Variants in ATAD2B observed in about 807,000 individuals in gnomAD.
ATAD2B encodes the protein ATPase family AAA domain-containing protein 2B.
In ATAD2B, 40 loss-of-function variants were observed where a neutral mutation model predicts 167.6. The ratio of observed to expected loss-of-function variants is 0.24; its 90% CI spans 0.19 to 0.31. The LOEUF (loss-of-function observed/expected upper bound fraction) is 0.31, where lower values mean the gene tolerates loss of function less well. ATAD2B is among the 10% of genes least tolerant of loss of function. The pLI is 1.00. For missense variants in ATAD2B, 1,242 were observed against 1,757.2 expected (o/e 0.71, Z 5.24); for synonymous variants, 579 against 596.5 (o/e 0.97, Z 0.43).
At chr2:23,741,898 T>A in the ATAD2B span, among the ~76,000 whole-genome samples, 1 of 152,074 alleles carries the variant, frequency 6.6e-6, no homozygotes, top group Non-Finnish European at 1.5e-5. Flanking sequence ...GCGAAGAACA[T>A]GAACAGACAC....
intron 1 of ATAD2B, among the ~76,000 whole-genome samples, chr2:23,926,105 C>G (rs1455813050): frequency 1.3e-5 from 2 of 152,208 alleles, no homozygotes; most frequent in African/African-American, 4.8e-5. Context: ...GAACCACCCC[C>G]AAACTGAGAG....
chr2:23,855,765 T>C (rs1024946374), intron 13 of ATAD2B, among the ~76,000 whole-genome samples: 1 of 152,240 alleles, frequency 6.6e-6, no homozygotes, highest in Non-Finnish European at 1.5e-5. Flanking sequence ...ACTGCATGCC[T>C]GTAGTTCTAG....
chr2:23,684,432 C>T, the ATAD2B span: 165 of 1,549,248 alleles, frequency 1.1e-4, no homozygotes, highest in Non-Finnish European at 1.4e-4. This position sits in a 1 kb window ranked among gnomAD's most constrained non-coding sequence, Gnocchi z 4.4. Context: ...CAACGCAGAG[C>T]GAAAGCGTTT....
chr2:23,903,420 T>C (rs17045990), intron 1 of ATAD2B, among the ~76,000 whole-genome samples: 9,851 of 152,062 alleles, frequency 0.065, 409 homozygotes, highest in African/African-American at 0.12. Flanking sequence ...AATTAAATAA[T>C]GAAAAGATAT....
chr2:23,914,525 T>A (rs1452491851), intron 1 of ATAD2B, among the ~76,000 whole-genome samples: 3 of 151,968 alleles, frequency 2.0e-5, no homozygotes, highest in Non-Finnish European at 2.9e-5. Context: ...TCATGCCAAA[T>A]ATTGGCAGGG....
At chr2:23,906,459 C>A (rs1701506907) in intron 1 of ATAD2B, among the ~76,000 whole-genome samples, 1 of 152,064 alleles carries the variant, frequency 6.6e-6, no homozygotes, top group Non-Finnish European at 1.5e-5. Flanking sequence ...AATATTAGAA[C>A]TATTAGAAAG....
chr2:23,678,280 A>G, the ATAD2B span, among the ~76,000 whole-genome samples: 22 of 152,252 alleles, frequency 1.4e-4, no homozygotes, highest in Admixed American at 2.0e-4. Flanking sequence ...GCATCCACAG[A>G]GCCATTTTAC....
At chr2:23,909,567 T>A (rs967667421) in intron 1 of ATAD2B, among the ~76,000 whole-genome samples, 23 of 152,076 alleles carry the variant, frequency 1.5e-4, no homozygotes, top group Admixed American at 3.3e-4. Context: ...TATGTGCATA[T>A]GTGTGTGACA....
the ATAD2B span, among the ~76,000 whole-genome samples, chr2:23,702,270 A>C: frequency 2.9e-4 from 44 of 152,328 alleles, no homozygotes; most frequent in Admixed American, 6.5e-4. Flanking sequence ...TGCCCTACTG[A>C]ACATCATAGT....
chr2:23,742,309 G>A, the ATAD2B span, among the ~76,000 whole-genome samples: 2 of 151,964 alleles, frequency 1.3e-5, no homozygotes, highest in South Asian at 4.1e-4. Context: ...CAACCTAAAT[G>A]TCCAACAACG....
intron 23 of ATAD2B, among the ~76,000 whole-genome samples, chr2:23,763,474 G>A (rs1256628924): frequency 6.6e-6 from 1 of 152,112 alleles, no homozygotes; most frequent in African/African-American, 2.4e-5. Flanking sequence ...ACTGTCCCAG[G>A]CAATGACTAC....
At chr2:23,738,192 C>G in the ATAD2B span, among the ~76,000 whole-genome samples, 14 of 152,178 alleles carry the variant, frequency 9.2e-5, no homozygotes, top group African/African-American at 3.4e-4. Context: ...TCAGGAAATA[C>G]AGAGAATGCC....
chr2:23,707,751 T>G, the ATAD2B span: 8 of 152,170 alleles, frequency 5.3e-5, no homozygotes, highest in Non-Finnish European at 1.2e-4. Context: ...TTTTTGATAT[T>G]CATAGCTATA....
chr2:23,691,534 G>A, the ATAD2B span: 4 of 659,184 alleles, frequency 6.1e-6, no homozygotes, highest in Non-Finnish European at 2.7e-6. Flanking sequence ...ACAGCATTAG[G>A]TTCAGGTGTG....
chr2:23,857,510 A>T lies in ATAD2B; in HGVS notation c.1480-7T>A. The T allele has an allele frequency of 8.2e-7, 1 of 1,222,878 alleles. No homozygotes were observed. Among genetic ancestry groups the T allele is most frequent in the Non-Finnish European group, 1.1e-6 (1 of 904,052 alleles). The allele number at this position is 1,222,878 out of a possible 1,614,324, so 75.8% of individuals were successfully genotyped here. ...AAGGTCTCATCAAATATGCCTAGTA[A>T]GAAGAAAACAAATAATATTTATTGT... On this transcript the variant is annotated splice_region_variant and splice_polypyrimidine_tract_variant and intron_variant, in intron 12 of 27. Coordinates refer to ENST00000238789, the MANE Select transcript of ATAD2B (RefSeq NM_017552.4).
At chr2:23,745,417 G>GAAGGAAGGAAGGAAGA (rs1553367898), downstream of ATAD2B, among the ~76,000 whole-genome samples, 376 of 113,404 alleles carry the variant, frequency 3.3e-3, 4 homozygotes, top group Middle Eastern at 0.013. Flanking sequence ...AGGAAGGAAG[G>GAAGGAAGGAAGGAAGA]AAGGAAAGGG....
Position 23,808,023 on chromosome 2 carries a change from TTATTA to T in ATAD2B, c.2454+2288_2454+2292del, listed in dbSNP as rs1173134777. On this transcript the variant is annotated intron_variant, in intron 18 of 27. Transcript: ENST00000238789. ...ACAGTAATTTATATATATTATTTAT[TTATTA>T]TATATGTAATTTATTTATATATAAG... 8.4e-5 allele frequency among the ~76,000 whole-genome samples: 5 copies of T among 59,776 alleles called. No homozygotes were observed. The East Asian group carries it at 2.2e-3, about 26-fold the overall frequency. The allele number at this position is 59,776 out of a possible 152,430, so 39.2% of individuals were successfully genotyped here.
At chr2:23,717,297 T>G in the ATAD2B span, among the ~76,000 whole-genome samples, 1 of 151,858 alleles carries the variant, frequency 6.6e-6, no homozygotes, top group South Asian at 2.1e-4. Flanking sequence ...AGGAGAGCAG[T>G]GGGCAGTGAG....
chr2:23,884,736 T>C, intron 6 of ATAD2B, 29 bp downstream of exon 6: 1 of 1,373,292 alleles, frequency 7.3e-7, no homozygotes, highest in Non-Finnish European at 1.0e-6. Context: ...ACCTGAACTT[T>C]CTAGAATTCC....
Sources: allele counts gnomAD v4.1 joint callset (sites outside exome capture counted in the v4.1 genomes callset), GRCh38; gene constraint gnomAD v4.1.1; non-coding constraint Gnocchi (gnomAD v3.1); transcripts MANE v1.5; gene names NCBI Gene and HGNC (gene_info 2026-07-23, HGNC 2026-07-21).